SEL1L3: variants seen among roughly 807,000 people sequenced by gnomAD.
SEL1L3 encodes the protein SEL1L family member 3, also known as protein sel-1 homolog 3.
SEL1L3 carries 76 observed loss-of-function variants against 142.8 expected under a neutral mutation model. That is an observed-to-expected ratio of 0.53 (90% CI 0.44 to 0.64). SEL1L3 has a LOEUF of 0.64. Among genes scored for constraint, SEL1L3 ranks in the 30% least tolerant of loss-of-function variants. The pLI, the probability that SEL1L3 is intolerant of heterozygous loss-of-function variation, is 0.00. For missense variants in SEL1L3, 1,262 were observed against 1,381.7 expected, an observed-to-expected ratio of 0.91 and a Z score of 1.37; for synonymous variants, 504 against 519.6, an observed-to-expected ratio of 0.97 and a Z score of 0.41.
chr4:25,758,909 A>C, intron 21 of SEL1L3, 32 bp downstream of exon 21: 1 of 1,587,518 alleles, frequency 6.3e-7, no homozygotes, highest in South Asian at 1.2e-5. Context: ...GGGTTCCCTC[A>C]GATTCCACAG....
chr4:25,815,632 T>A (rs749462087), intron 9 of SEL1L3, among the ~76,000 whole-genome samples: 11 of 152,122 alleles, frequency 7.2e-5, no homozygotes, highest in Non-Finnish European at 1.5e-4. Context: ...GTGGTCTTAG[T>A]CCATTTAGCC....
chr4:25,743,481 G>C (rs559561628), downstream of SEL1L3, among the ~76,000 whole-genome samples: 1 of 152,244 alleles, frequency 6.6e-6, no homozygotes, highest in East Asian at 1.9e-4. Context: ...AAGTCGTGAC[G>C]ACATGTGCCC....
At chr4:25,805,752 T>C (rs1221638437) in intron 9 of SEL1L3, among the ~76,000 whole-genome samples, 14 of 152,342 alleles carry the variant, frequency 9.2e-5, no homozygotes, top group Middle Eastern at 3.4e-3. Context: ...CTTTCCATTA[T>C]GTGCAAGGCA....
intron 11 of SEL1L3, among the ~76,000 whole-genome samples, chr4:25,797,471 T>C (rs1005394998): frequency 3.3e-5 from 5 of 152,180 alleles, no homozygotes; most frequent in African/African-American, 7.2e-5. Flanking sequence ...TTTAACACTT[T>C]AGGGACTTGT....
chr4:25,841,686 A>T (rs1445604850), intron 2 of SEL1L3, among the ~76,000 whole-genome samples: 1 of 152,208 alleles, frequency 6.6e-6, no homozygotes, highest in Non-Finnish European at 1.5e-5. Flanking sequence ...CAGGCGCTGT[A>T]GTTCACCCAG....
At chr4:25,790,712 G>A (rs1286059342) in intron 11 of SEL1L3, 138 bp from the exon 12 acceptor site, 1 of 127,464 alleles carries the variant, frequency 7.8e-6, no homozygotes, top group African/African-American at 4.1e-5. Context: ...AGGAAGAAAA[G>A]AAGGAGAGAG....
Position 25,819,881 on chromosome 4 carries a change from C to A in SEL1L3, c.1350G>T (p.Arg450Ser), listed in dbSNP as rs755373064. ...LAEQIKLYYE[R>S]CAEVQEIVSV... ...ATACTATTTCTTGAACCTCAGCACACCTTTCATAATATAACTTGATTTGTT... is the reference window on the plus strand; with the variant it reads ...ATACTATTTCTTGAACCTCAGCACAACTTTCATAATATAACTTGATTTGTT... Residue 450 changes from arginine to serine, a missense_variant, in exon 8 of 24, where the codon AGG becomes AGT. Transcript: ENST00000399878. 8.1e-6 allele frequency: 13 copies of A among 1,613,272 alleles called. 1 individual carries two copies. In the Admixed American group the frequency reaches 1.5e-4, roughly 19 times the overall value.
intron 23 of SEL1L3, among the ~76,000 whole-genome samples, chr4:25,753,728 A>T (rs1206758739): frequency 6.6e-6 from 1 of 152,234 alleles, no homozygotes; most frequent in African/African-American, 2.4e-5. Context: ...TTATGCCTGT[A>T]GTCCCAGCAC....
the SEL1L3 span, among the ~76,000 whole-genome samples, chr4:25,715,594 C>T: frequency 2.6e-5 from 4 of 152,086 alleles, no homozygotes; most frequent in Middle Eastern, 3.2e-3. Context: ...CATCTACACA[C>T]GCGTGTGCCA....
At position 25,847,755 on chromosome 4, in the gene SEL1L3, C is replaced by T. The variant is rs1179704817; in HGVS notation, c.272G>A (p.Gly91Glu). 6.2e-6 allele frequency: 10 copies of T among 1,613,776 alleles called. No individual in the cohort carries two copies. The highest frequency in any genetic ancestry group is 1.3e-5 in the African/African-American group (1 of 74,900). Reference sequence around the variant, plus strand: ...GACTTCAGAAACGTTGCGAACGTTTCCTTCAAAGACAGTAAAATAAATAAA... The same window carrying T: ...GACTTCAGAAACGTTGCGAACGTTTTCTTCAAAGACAGTAAAATAAATAAA... ...KDFIYFTVFE[G>E]NVRNVSEVSV... The change falls in exon 2 of 24, where the codon GGA (glycine) becomes GAA (glutamate). Residue 91 changes from glycine to glutamate, a missense_variant. Gly to Glu is a moderately conservative substitution (Grantham distance 98, BLOSUM62 -2). Around this residue, in one of 3 missense-constraint regions of SEL1L3, gnomAD observed 689 missense variants for 692.8 expected, o/e 0.99. Coordinates refer to ENST00000399878, the MANE Select transcript of SEL1L3 (RefSeq NM_015187.5).
At chr4:25,814,408 G>A (rs761486766) in intron 9 of SEL1L3, among the ~76,000 whole-genome samples, 63 of 152,250 alleles carry the variant, frequency 4.1e-4, no homozygotes, top group South Asian at 8.3e-4. Context: ...TTGTTACCAC[G>A]CCTATTCAGT....
At chr4:25,809,267 C>T (rs1018298860) in intron 9 of SEL1L3, among the ~76,000 whole-genome samples, 3 of 151,190 alleles carry the variant, frequency 2.0e-5, no homozygotes, top group Non-Finnish European at 2.9e-5. Flanking sequence ...CCTCAGTTCC[C>T]GAGTAGCTGG....
intron 6 of SEL1L3, among the ~76,000 whole-genome samples, chr4:25,824,361 A>T (rs1362225881): frequency 1.3e-5 from 2 of 152,174 alleles, no homozygotes; most frequent in African/African-American, 4.8e-5. Flanking sequence ...AGCATCCGGG[A>T]TGCTCACCGC....
At chr4:25,777,914 T>C (rs2109161402) in intron 16 of SEL1L3, 1 of 454,592 alleles carries the variant, frequency 2.2e-6, no homozygotes, top group African/African-American at 2.0e-5. Context: ...GGATAGTAAA[T>C]ATCTTAAGCT....
chr4:25,761,267 T>TCA (rs1330840755), intron 20 of SEL1L3, among the ~76,000 whole-genome samples: 5 of 152,144 alleles, frequency 3.3e-5, no homozygotes, highest in Non-Finnish European at 7.4e-5. Context: ...GTGATTCTCC[T>TCA]GCCTCAGCCT....
chr4:25,833,699 G>T (rs1715592478), intron 3 of SEL1L3, 130 bp from the exon 4 acceptor site: 9 of 738,452 alleles, frequency 1.2e-5, no homozygotes, highest in Non-Finnish European at 1.9e-5. Context: ...CGTTCATCAT[G>T]GGAGATCAGC....
chr4:25,852,955 G>A (rs771164244), intron 1 of SEL1L3, among the ~76,000 whole-genome samples: 2 of 152,126 alleles, frequency 1.3e-5, no homozygotes, highest in Non-Finnish European at 1.5e-5. Flanking sequence ...CATAATAACC[G>A]TGTTCATTAT....
At chr4:25,724,340 G>A in the SEL1L3 span, among the ~76,000 whole-genome samples, 1 of 152,042 alleles carries the variant, frequency 6.6e-6, no homozygotes, top group Non-Finnish European at 1.5e-5. Context: ...GATTGCTTGA[G>A]CCCGGGAGGT....
Position 25,862,741 on chromosome 4 carries a change from CG to C in SEL1L3, c.95del (p.Pro32ArgfsTer23). The C allele has an allele frequency of 8.0e-7, 1 of 1,256,158 alleles. No individual in the cohort carries two copies. Among genetic ancestry groups the C allele is most frequent in the Non-Finnish European group, 1.0e-6 (1 of 1,001,150 alleles). The allele number at this position is 1,256,158 out of a possible 1,614,324, so 77.8% of individuals were successfully genotyped here. ...AVGPRAAAMV[P>X]SGGVPQGLGG... Reference sequence around the variant, plus strand: ...CGAGGCCCTGGGGGACGCCGCCACTCGGGACCATGGCTGCGGCCCGGGGGCC... The same window carrying C: ...CGAGGCCCTGGGGGACGCCGCCACTCGGACCATGGCTGCGGCCCGGGGGCC... On this transcript the variant is annotated frameshift_variant, in exon 1 of 24. Coordinates refer to ENST00000399878, the MANE Select transcript of SEL1L3 (RefSeq NM_015187.5). LOFTEE classifies it high-confidence loss of function.
Sources: gnomAD v4.1 joint callset for allele counts (sites outside exome capture counted in the v4.1 genomes callset) on GRCh38, gnomAD v4.1.1 for gene constraint, gnomAD v4.1.1 regional missense constraint, MANE v1.5 for transcripts, NCBI Gene and HGNC (gene_info 2026-07-23, HGNC 2026-07-21) for gene names.